JAKMIP2: variants seen among roughly 807,000 people sequenced by gnomAD.
JAKMIP2 encodes janus kinase and microtubule interacting protein 2.
JAKMIP2 carries 25 observed loss-of-function variants against 115.0 expected under a neutral mutation model. The ratio of observed to expected loss-of-function variants is 0.22; its 90% confidence interval spans 0.16 to 0.30. The LOEUF is 0.30. Among genes scored for constraint, JAKMIP2 ranks in the 10% least tolerant of loss-of-function variants. The pLI, the probability that JAKMIP2 is intolerant of heterozygous loss-of-function variation, is 1.00. For synonymous variants in JAKMIP2, 334 were observed against 343.6 expected, an observed-to-expected ratio of 0.97 and a Z score of 0.31; for missense variants, 642 against 957.6, an observed-to-expected ratio of 0.67 and a Z score of 4.35.
At chr5:147,716,098 G>A (rs1270144515) in intron 1 of JAKMIP2, among the ~76,000 whole-genome samples, 1 of 145,000 alleles carries the variant, frequency 6.9e-6, no homozygotes, top group Non-Finnish European at 1.5e-5. Flanking sequence ...TGCAGTGTTT[G>A]GTTTTTTGTT....
At chr5:147,724,773 GAGTT>G (rs1753451433) in intron 1 of JAKMIP2, among the ~76,000 whole-genome samples, 1 of 152,164 alleles carries the variant, frequency 6.6e-6, no homozygotes, top group Non-Finnish European at 1.5e-5. Context: ...GGTTTTAAAA[GAGTT>G]AGATCAGGAG....
In JAKMIP2 at chr5:147,613,950, C is replaced by T. The variant is rs528381187; in HGVS notation, c.2347-1579G>A. On this transcript the variant is annotated intron_variant, in intron 19 of 21. Transcript: ENST00000616793. Reference sequence around the variant, plus strand: ...TGTTTATACGTGTATGATTTGTGTGCTGGTGTATATTTCCATAGTGCTGTC... The same window carrying T: ...TGTTTATACGTGTATGATTTGTGTGTTGGTGTATATTTCCATAGTGCTGTC... Among the ~76,000 whole-genome samples the T allele has an allele frequency of 7.2e-5, 11 of 152,264 alleles. No homozygotes were observed. In the South Asian group the frequency reaches 1.2e-3, roughly 17 times the overall value.
chr5:147,690,638 CA>C (rs1465771090), intron 1 of JAKMIP2, among the ~76,000 whole-genome samples: 1 of 145,324 alleles, frequency 6.9e-6, no homozygotes, highest in Non-Finnish European at 1.5e-5. Flanking sequence ...TGCATAAAAA[CA>C]TTTTGGAAAG....
At chr5:147,771,532 G>T (rs1344843279) in intron 1 of JAKMIP2, among the ~76,000 whole-genome samples, 2 of 151,938 alleles carry the variant, frequency 1.3e-5, no homozygotes, top group Non-Finnish European at 2.9e-5. Context: ...GTTCCTATTT[G>T]CTAATATAAA....
At chr5:147,659,081 T>G (rs1758827953) in intron 3 of JAKMIP2, among the ~76,000 whole-genome samples, 1 of 145,162 alleles carries the variant, frequency 6.9e-6, no homozygotes, top group Non-Finnish European at 1.5e-5. Flanking sequence ...GTTCCAGGCA[T>G]CGCTGGAGTA....
intron 1 of JAKMIP2, among the ~76,000 whole-genome samples, chr5:147,689,127 A>G (rs1050806285): frequency 6.6e-6 from 1 of 152,216 alleles, no homozygotes; most frequent in African/African-American, 2.4e-5. Context: ...AGGAAATAGT[A>G]CAAGAGCTCC....
chr5:147,586,131 G>A lies in JAKMIP2; in HGVS notation c.*5576C>T, dbSNP rs763709407. ...GTAAGGGAGAGAAGAGGTAGTCAAGGATGGGAAGAGTTCAAACACTAAATG... is the reference window on the plus strand; with the variant it reads ...GTAAGGGAGAGAAGAGGTAGTCAAGAATGGGAAGAGTTCAAACACTAAATG... On this transcript the variant is annotated 3_prime_UTR_variant, in exon 22 of 22. Transcript: ENST00000616793. 1 of 152,088 alleles carries A rather than the reference G, an allele frequency of 6.6e-6. No individual in the cohort carries two copies. Among genetic ancestry groups the A allele is most frequent in the Non-Finnish European group, 1.5e-5 (1 of 68,028 alleles). The allele number at this position is 152,088 out of a possible 1,614,324, so 9.4% of individuals were successfully genotyped here.
chr5:147,628,178 A>G (rs1437184572), intron 16 of JAKMIP2, among the ~76,000 whole-genome samples: 1 of 152,118 alleles, frequency 6.6e-6, no homozygotes, highest in African/African-American at 2.4e-5. Context: ...CATACCATCC[A>G]GCCAGGCTTT....
At chr5:147,714,938 GT>G (rs1374300915) in intron 1 of JAKMIP2, among the ~76,000 whole-genome samples, 1 of 152,086 alleles carries the variant, frequency 6.6e-6, no homozygotes, top group African/African-American at 2.4e-5. Flanking sequence ...AAATGAGTGA[GT>G]AAAAGTGATA....
At chr5:147,773,027 T>C (rs1415819946) in intron 1 of JAKMIP2, among the ~76,000 whole-genome samples, 1 of 152,158 alleles carries the variant, frequency 6.6e-6, no homozygotes, top group Non-Finnish European at 1.5e-5. Flanking sequence ...ACTTGCTATA[T>C]TCAGAGCATA....
chr5:147,749,748 A>G (rs1466712024), intron 1 of JAKMIP2, among the ~76,000 whole-genome samples: 1 of 152,250 alleles, frequency 6.6e-6, no homozygotes, highest in Non-Finnish European at 1.5e-5. Flanking sequence ...TTTTGCATAT[A>G]TGCTAACACT....
intron 1 of JAKMIP2, among the ~76,000 whole-genome samples, chr5:147,758,584 G>C (rs1299501849): frequency 1.3e-5 from 2 of 152,008 alleles, no homozygotes; most frequent in Non-Finnish European, 2.9e-5. Context: ...AAATCACAAA[G>C]AAAAAGTTCA....
intron 1 of JAKMIP2, among the ~76,000 whole-genome samples, chr5:147,721,434 GCCCCTCCCCCAGCCT>G (rs1753284226): frequency 6.6e-6 from 1 of 152,158 alleles, no homozygotes. Flanking sequence ...AATGGCGGGC[GCCCCTCCCCCAGCCT>G]CGCTGCCACC....
chr5:147,685,831 CTT>C (rs1760541682), intron 1 of JAKMIP2, among the ~76,000 whole-genome samples: 1 of 152,084 alleles, frequency 6.6e-6, no homozygotes, highest in Non-Finnish European at 1.5e-5. Context: ...GATCAGAGAT[CTT>C]AATTTAAAAT....
intron 1 of JAKMIP2, among the ~76,000 whole-genome samples, chr5:147,714,511 T>C (rs975510060): frequency 7.9e-5 from 12 of 152,124 alleles, no homozygotes; most frequent in South Asian, 6.2e-4. Flanking sequence ...ATATATTCAA[T>C]AGAGACTTAA....
rs148910153 is a variant in JAKMIP2 at position 147,747,401 on chromosome 5, T to C, written c.-149+35055A>G. On this transcript the variant is annotated intron_variant, in intron 1 of 21. Coordinates refer to ENST00000616793, the MANE Select transcript of JAKMIP2 (RefSeq NM_001270941.2). The stretch of plus-strand genomic sequence containing the variant: ...ATTAAACCAGTTAAAGATTAAAAAT[T>C]ACAACACGGGCACAGCTGGGCCTGA... Among the ~76,000 whole-genome samples the C allele has an allele frequency of 3.2e-3, 494 of 152,184 alleles. 1 individual carries two copies. Among genetic ancestry groups the C allele is most frequent in the African/African-American group, 0.011 (476 of 41,500 alleles).
At chr5:147,626,961 C>G (rs1257983956) in intron 16 of JAKMIP2, among the ~76,000 whole-genome samples, 2 of 152,114 alleles carry the variant, frequency 1.3e-5, no homozygotes, top group Admixed American at 1.3e-4. Flanking sequence ...TTTTTTTCAT[C>G]TTTGTGTTGT....
chr5:147,764,928 G>A (rs59077767), intron 1 of JAKMIP2, among the ~76,000 whole-genome samples: 3,034 of 75,316 alleles, frequency 0.04, 76 homozygotes, highest in East Asian at 0.13. Context: ...GAAAGAGAGA[G>A]AGAGAGAGAG....
chr5:147,768,291 T>G (rs769823982), intron 1 of JAKMIP2, among the ~76,000 whole-genome samples: 22 of 152,142 alleles, frequency 1.4e-4, no homozygotes, highest in Non-Finnish European at 2.5e-4. Context: ...GGATTAAGTT[T>G]TATTCATCTT....
Sources: allele counts gnomAD v4.1 joint callset (sites outside exome capture counted in the v4.1 genomes callset), GRCh38; gene constraint gnomAD v4.1.1; transcripts MANE v1.5; gene names NCBI Gene and HGNC (gene_info 2026-07-23, HGNC 2026-07-21).